The following TSPAN12 variants were observed in gnomAD, a reference collection of about 807,000 sequenced individuals.
TSPAN12 encodes tetraspanin 12.
Under a neutral mutation model 39.2 loss-of-function variants are expected in TSPAN12, and 19 were observed. The ratio of observed to expected loss-of-function variants is 0.49; its 90% CI spans 0.34 to 0.71. TSPAN12 has a LOEUF of 0.71. Ranked by LOEUF, TSPAN12 falls within the 30% of genes least tolerant of loss-of-function variation. The pLI, the probability that TSPAN12 is intolerant of heterozygous loss-of-function variation, is 0.01. For synonymous variants in TSPAN12, 119 were observed against 124.8 expected (o/e 0.95, Z 0.31); for missense variants, 314 against 359.9 (o/e 0.87, Z 1.03).
chr7:120,837,592 G>A (rs1278560616), intron 4 of TSPAN12, among the ~76,000 whole-genome samples: 4 of 152,162 alleles, frequency 2.6e-5, no homozygotes, highest in Non-Finnish European at 4.4e-5. Flanking sequence ...GATTACAGGC[G>A]TGAGCCACCT....
chr7:120,824,334 C>T (rs1411194900), intron 4 of TSPAN12, among the ~76,000 whole-genome samples: 4 of 151,402 alleles, frequency 2.6e-5, no homozygotes, highest in East Asian at 1.9e-4. Flanking sequence ...CCCAGCAACT[C>T]GAGAGGCTGA....
intron 3 of TSPAN12, among the ~76,000 whole-genome samples, 176 bp from the exon 4 acceptor site, chr7:120,839,088 T>C (rs1355748415): frequency 6.6e-6 from 1 of 152,240 alleles, no homozygotes; most frequent in Non-Finnish European, 1.5e-5. Flanking sequence ...GTTTATTTGC[T>C]CGGTTGCTTT....
chr7:120,793,555 T>G (rs1793574315), intron 7 of TSPAN12, among the ~76,000 whole-genome samples: 1 of 152,184 alleles, frequency 6.6e-6, no homozygotes, highest in Admixed American at 6.5e-5. Flanking sequence ...TACAGGTAAC[T>G]CCTCAAACAA....
At chr7:120,795,295 G>A (rs1793608603) in intron 7 of TSPAN12, among the ~76,000 whole-genome samples, 1 of 152,208 alleles carries the variant, frequency 6.6e-6, no homozygotes, top group South Asian at 2.1e-4. Flanking sequence ...AATAAGACAT[G>A]TTGGCTAACC....
intron 2 of TSPAN12, among the ~76,000 whole-genome samples, chr7:120,854,053 T>C (rs1484597071): frequency 6.6e-6 from 1 of 151,944 alleles, no homozygotes; most frequent in Non-Finnish European, 1.5e-5. Context: ...ATATGAAAAA[T>C]ATACATAAAA....
intron 4 of TSPAN12, among the ~76,000 whole-genome samples, chr7:120,828,314 G>T (rs1421961903): frequency 6.6e-6 from 1 of 152,184 alleles, no homozygotes; most frequent in Non-Finnish European, 1.5e-5. Flanking sequence ...AACAGATCGT[G>T]CTTCTGCTCA....
rs1273768499 is a variant in TSPAN12, at chr7:120,800,744, G to T, written c.612+5805C>A. On this transcript the variant is annotated intron_variant, in intron 7 of 7. Transcript: ENST00000222747. ...CTGCTGAAATAAAGTTTTCCTTATC[G>T]TTTTTTTTTGTTTTTTTTTTTTGAG... Among the ~76,000 whole-genome samples, 40 of 118,714 alleles carry T rather than the reference G, an allele frequency of 3.4e-4. 2 individuals carry two copies. The highest frequency in any genetic ancestry group is 7.9e-4 in the East Asian group (3 of 3,806). 77.9% of individuals were successfully genotyped at this position (118,714 alleles called of 152,430 possible).
chr7:120,821,590 T>C (rs955290449), intron 4 of TSPAN12, among the ~76,000 whole-genome samples: 3 of 152,150 alleles, frequency 2.0e-5, no homozygotes, highest in Non-Finnish European at 4.4e-5. Flanking sequence ...AAAATTACCT[T>C]GCAATGCTGT....
rs560712993 is a variant in TSPAN12, at chr7:120,824,677, C to T, written c.286-8874G>A. ...CTTTACTGTTAATAATGGGTATTAACAAACTTTCTAAAAAGACAATATTTG... is the reference window on the plus strand; with the variant it reads ...CTTTACTGTTAATAATGGGTATTAATAAACTTTCTAAAAAGACAATATTTG... On this transcript the variant is annotated intron_variant, in intron 4 of 7. Coordinates refer to ENST00000222747, the MANE Select transcript of TSPAN12 (RefSeq NM_012338.4). 2.0e-5 allele frequency among the ~76,000 whole-genome samples: 3 copies of T among 152,186 alleles called. No individual in the cohort carries two copies. In the South Asian group the frequency reaches 6.2e-4, roughly 32 times the overall value.
intron 7 of TSPAN12, among the ~76,000 whole-genome samples, chr7:120,801,630 C>T (rs1206193561): frequency 1.3e-5 from 2 of 152,156 alleles, no homozygotes; most frequent in African/African-American, 4.8e-5. Context: ...TTTTAGTTGA[C>T]GTTCTGTCCC....
At chr7:120,851,167 G>A (rs1477306142) in intron 2 of TSPAN12, among the ~76,000 whole-genome samples, 1 of 152,154 alleles carries the variant, frequency 6.6e-6, no homozygotes, top group East Asian at 1.9e-4. Flanking sequence ...TGTCCTTCCT[G>A]TGAATTCAAA....
intron 7 of TSPAN12, among the ~76,000 whole-genome samples, chr7:120,795,966 G>A (rs1040631711): frequency 4.6e-5 from 7 of 152,162 alleles, no homozygotes; most frequent in Admixed American, 6.5e-5. Context: ...CTTGATATAC[G>A]AAAGGTCCTC....
chr7:120,834,201 GT>G (rs1488502509), intron 4 of TSPAN12, among the ~76,000 whole-genome samples: 1 of 151,996 alleles, frequency 6.6e-6, no homozygotes, highest in Admixed American at 6.6e-5. Flanking sequence ...AATGAATAAT[GT>G]TTTAGTATAT....
chr7:120,819,904 C>T (rs1031215621), intron 4 of TSPAN12, among the ~76,000 whole-genome samples: 4 of 152,104 alleles, frequency 2.6e-5, no homozygotes, highest in African/African-American at 9.7e-5. Flanking sequence ...AAGCATGATG[C>T]TAATCTTAAT....
chr7:120,812,012 T>G (rs1201909610), intron 5 of TSPAN12, among the ~76,000 whole-genome samples: 4 of 152,026 alleles, frequency 2.6e-5, no homozygotes, highest in African/African-American at 9.7e-5. Context: ...AACTTATTAA[T>G]GTAATCAACT....
intron 7 of TSPAN12, among the ~76,000 whole-genome samples, chr7:120,800,837 C>T (rs777175295): frequency 2.0e-5 from 3 of 146,610 alleles, no homozygotes; most frequent in African/African-American, 5.0e-5. Context: ...CAACCTTCAC[C>T]GCCTAGGTTC....
chr7:120,799,690 A>C (rs1455207290), intron 7 of TSPAN12, among the ~76,000 whole-genome samples: 58 of 111,688 alleles, frequency 5.2e-4, no homozygotes, highest in Admixed American at 2.6e-3. Flanking sequence ...TATATAATTT[A>C]ATTATATAAT....
intron 2 of TSPAN12, among the ~76,000 whole-genome samples, chr7:120,848,047 T>C (rs753545574): frequency 6.6e-5 from 10 of 152,162 alleles, no homozygotes; most frequent in Non-Finnish European, 1.2e-4. Context: ...AAATGCACCA[T>C]GCACACCTCC....
chr7:120,809,381 G>A (rs906361825), intron 6 of TSPAN12, among the ~76,000 whole-genome samples: 2 of 152,058 alleles, frequency 1.3e-5, no homozygotes, highest in African/African-American at 2.4e-5. Context: ...TTTTCTCTTT[G>A]TGTTGTTTTT....
Sources: gnomAD v4.1 joint callset for allele counts (sites outside exome capture counted in the v4.1 genomes callset) on GRCh38, gnomAD v4.1.1 for gene constraint, MANE v1.5 for transcripts, NCBI Gene and HGNC (gene_info 2026-07-23, HGNC 2026-07-21) for gene names.